The following UBA1 variants were observed in gnomAD, a reference collection of about 807,000 sequenced individuals.
The protein encoded by UBA1 is ubiquitin like modifier activating enzyme 1, also known as ubiquitin-like modifier-activating enzyme 1.
In UBA1, 4 loss-of-function variants were observed where a neutral mutation model predicts 84.7. The observed-to-expected ratio is 0.05, with a 90% CI of 0.02 to 0.11. The LOEUF is 0.11. UBA1 is among the 10% of genes least tolerant of loss of function. UBA1 has a pLI of 1.00. For synonymous variants in UBA1, 364 were observed against 362.6 expected (o/e 1.00, Z -0.04); for missense variants, 513 against 902.8 (o/e 0.57, Z 5.53).
At chrX:47,206,492 T>C in intron 16 of UBA1, 48 bp downstream of exon 16, 1 of 1,170,045 alleles carries the variant, frequency 8.5e-7, no homozygotes, top group Non-Finnish European at 1.2e-6. Context: ...CTGGCCAGGC[T>C]GCTGCCTCTC....
chrX:47,194,211 C>G (rs1936116359), intron 1 of UBA1, among the ~76,000 whole-genome samples, 187 bp downstream of exon 1: 1 of 111,632 alleles, frequency 9.0e-6, no homozygotes, highest in South Asian at 3.7e-4. Flanking sequence ...ACTCCGGCTC[C>G]CTCTGGTTGC....
Position 47,206,682 on chromosome X carries a change from T to C in UBA1, c.1938+238T>C. On this transcript the variant is annotated intron_variant, in intron 16 of 25. Transcript: ENST00000335972. ...ACATAGACAAATATTAAGAATATTATGATGAATACTCAAATACCATTCCTC... is the reference window on the plus strand; with the variant it reads ...ACATAGACAAATATTAAGAATATTACGATGAATACTCAAATACCATTCCTC... 9.4e-6 allele frequency: 4 copies of C among 424,960 alleles called. No homozygotes were observed. The South Asian group carries it at 1.4e-4, about 15-fold the overall frequency. 35.0% of individuals were successfully genotyped at this position (424,960 alleles called of 1,213,427 possible). A position where few individuals can be genotyped will look rare whatever the true frequency, so the allele number is the denominator to read the frequency against.
At chrX:47,201,939 G>A (rs781960929) in intron 8 of UBA1, among the ~76,000 whole-genome samples, 1 of 111,580 alleles carries the variant, frequency 9.0e-6, no homozygotes, top group Non-Finnish European at 1.9e-5. Flanking sequence ...AGGTCTTCCC[G>A]TGTAGACTTG....
rs192773901 is a variant in UBA1 at position 47,194,452 on chromosome X, G to C, written c.-1+428G>C. 1.1e-3 allele frequency among the ~76,000 whole-genome samples: 123 copies of C among 112,417 alleles called. 1 individual carries two copies. Among genetic ancestry groups the C allele is most frequent in the Admixed American group, 8.5e-3 (91 of 10,689 alleles). ...CTTTGAGACACTTCCTAGCTTCTCA[G>C]TATTTGTCCTCAAGGCTTCCAGGAC... On this transcript the variant is annotated intron_variant, in intron 1 of 25. Transcript: ENST00000335972.
upstream of UBA1, chrX:47,193,816 C>T (rs1936104666): frequency 8.9e-6 from 1 of 111,901 alleles, no homozygotes; most frequent in East Asian, 2.8e-4. Context: ...CGGCCCCAGG[C>T]TCAGCGTCCG....
chrX:47,191,020 T>G (rs1556784185), upstream of UBA1: 1 of 112,264 alleles, frequency 8.9e-6, no homozygotes, highest in South Asian at 3.7e-4. Context: ...TAATCCCAAC[T>G]TCGGGGAAAC....
chrX:47,199,178 C>T, intron 3 of UBA1, 31 bp from the exon 4 acceptor site: 2 of 1,212,195 alleles, frequency 1.6e-6, no homozygotes, highest in East Asian at 3.0e-5. Context: ...GTGGGGCAGG[C>T]CCTGACCTAG....
At chrX:47,194,842 CT>C (rs1273637060) in intron 1 of UBA1, among the ~76,000 whole-genome samples, 1 of 112,450 alleles carries the variant, frequency 8.9e-6, no homozygotes, top group Non-Finnish European at 1.9e-5. Context: ...TATTCAGAGA[CT>C]ACTGAGAGGC....
chrX:47,200,599 G>A (rs964630114), intron 5 of UBA1, among the ~76,000 whole-genome samples: 1 of 112,206 alleles, frequency 8.9e-6, no homozygotes, highest in Non-Finnish European at 1.9e-5. Flanking sequence ...TTTTACTCCA[G>A]TGTCTCACAG....
At chrX:47,203,275 G>T in intron 13 of UBA1, 61 bp downstream of exon 13, 1 of 1,132,305 alleles carries the variant, frequency 8.8e-7, no homozygotes, top group Non-Finnish European at 1.2e-6. Context: ...CACCCCTGGG[G>T]CTTCCTTCGG....
In UBA1 at chrX:47,211,078, G is replaced by A; in HGVS notation, c.2317G>A (p.Ala773Thr). Residue 773 changes from alanine to threonine, a missense_variant, in exon 20 of 26, where the codon GCC becomes ACC. This residue lies in a region of UBA1 where 151 missense variants were observed against 260.1 expected (regional missense o/e 0.58). Coordinates refer to ENST00000335972, the MANE Select transcript of UBA1 (RefSeq NM_003334.4). ...DYVMAAANLF[A>T]QTYGLTGSQD... is the part of the protein sequence containing the mutation. ...TGTGATGGCTGCTGCCAACCTGTTT[G>A]CCCAGACCTACGGGCTGACAGGCTC... 1 of 1,211,554 alleles carries A rather than the reference G, an allele frequency of 8.3e-7. No individual in the cohort carries two copies. Among genetic ancestry groups the A allele is most frequent in the Non-Finnish European group, 1.1e-6 (1 of 895,537 alleles).
intron 1 of UBA1, among the ~76,000 whole-genome samples, chrX:47,194,798 CT>C (rs1255473036): frequency 8.9e-6 from 1 of 112,399 alleles, no homozygotes; most frequent in Non-Finnish European, 1.9e-5. Flanking sequence ...ACTTTCTCTA[CT>C]TTTATGGAAT....
Position 47,199,274 on chromosome X carries a change from G to A in UBA1, c.242G>A (p.Arg81Gln), listed in dbSNP as rs782097752. 23 of 1,210,603 alleles carry A rather than the reference G, an allele frequency of 1.9e-5. No homozygotes were observed. Among genetic ancestry groups the A allele is most frequent in the Admixed American group, 1.7e-4 (8 of 45,946 alleles). ...TCCAGTGTCCTGGTATCAGGCCTGC[G>A]GGGCCTGGGCGTGGAGATCGCTAAG... ...QTSSVLVSGL[R>Q]GLGVEIAKNI... Residue 81 changes from arginine (R) to glutamine (Q), a missense_variant, in exon 4 of 26, where the codon CGG becomes CAG. Transcript: ENST00000335972.
chrX:47,206,048 T>A lies in UBA1; in HGVS notation c.1676T>A (p.Ile559Asn). 2 of 1,205,078 alleles carry A rather than the reference T, an allele frequency of 1.7e-6. No individual in the cohort carries two copies. Among genetic ancestry groups the A allele is most frequent in the Non-Finnish European group, 2.2e-6 (2 of 892,168 alleles). Residue 559 changes from isoleucine (I) to asparagine (N), a missense_variant, in exon 15 of 26, where the codon ATC becomes AAC. Ile to Asn is a moderately radical substitution (Grantham distance 149). Coordinates refer to ENST00000335972, the MANE Select transcript of UBA1 (RefSeq NM_003334.4). ...QNRVGPDTER[I>N]YDDDFFQNLD... ...CGTGTGGGTCCTGACACGGAGCGCA[T>A]CTATGATGACGATTTTTTCCAAAAC...
intron 1 of UBA1, among the ~76,000 whole-genome samples, chrX:47,196,321 T>C (rs1300446111): frequency 9.0e-6 from 1 of 110,754 alleles, no homozygotes; most frequent in Admixed American, 9.6e-5. Context: ...CCCAGAAAGC[T>C]TGACATGCTC....
intron 14 of UBA1, 47 bp downstream of exon 14, chrX:47,203,743 T>TTTTA: frequency 9.5e-7 from 1 of 1,049,739 alleles, no homozygotes; most frequent in Non-Finnish European, 1.2e-6. Context: ...CTTTCCTCCT[T>TTTTA]TTTCTTTTTT....
At chrX:47,206,984 C>G (rs1282428866) in intron 16 of UBA1, among the ~76,000 whole-genome samples, 1 of 110,394 alleles carries the variant, frequency 9.1e-6, no homozygotes, top group Non-Finnish European at 1.9e-5. Context: ...CCACTAGATG[C>G]CAATAGCACT....
chrX:47,196,054 A>G (rs1166313603), intron 1 of UBA1, among the ~76,000 whole-genome samples: 2 of 109,901 alleles, frequency 1.8e-5, no homozygotes, highest in Non-Finnish European at 3.8e-5. Flanking sequence ...TTCCCTTTGC[A>G]GCTTCCATGG....
rs891382602 is a variant in UBA1 at position 47,209,345 on chromosome X, G to A, written c.1939-278G>A. 59 of 445,975 alleles carry A rather than the reference G, an allele frequency of 1.3e-4. No homozygotes were observed. In the African/African-American group the frequency reaches 1.4e-3, roughly 11 times the overall value. The allele number at this position is 445,975 out of a possible 1,213,427, so 36.8% of individuals were successfully genotyped here. On this transcript the variant is annotated intron_variant, in intron 16 of 25. Coordinates refer to ENST00000335972, the MANE Select transcript of UBA1 (RefSeq NM_003334.4). ...CTTTTTGTATTTTTAGTAGAGATGG[G>A]GTTTCACCATGTTGGTCAGGCTGGT...
Sources: allele counts gnomAD v4.1 joint callset (sites outside exome capture counted in the v4.1 genomes callset), GRCh38; gene constraint gnomAD v4.1.1; regional missense constraint gnomAD v4.1.1; transcripts MANE v1.5; gene names NCBI Gene and HGNC (gene_info 2026-07-23, HGNC 2026-07-21).